CAST: variants seen among roughly 807,000 people sequenced by gnomAD.
The protein encoded by CAST is MIR583 host.
In CAST, 76 loss-of-function variants were observed where a neutral mutation model predicts 119.6. The observed-to-expected ratio is 0.64, with a 90% CI of 0.53 to 0.77. CAST has a LOEUF of 0.77. CAST is among the 30% of genes least tolerant of loss of function. The probability of loss-of-function intolerance (pLI) is 0.00; values close to 1 mark genes in which losing one functional copy is unlikely to be tolerated. For missense variants in CAST, 953 were observed against 946.5 expected (o/e 1.01, Z -0.09); for synonymous variants, 319 against 331.6 (o/e 0.96, Z 0.41).
chr5:96,447,092 C>T, the CAST span, among the ~76,000 whole-genome samples: 1 of 152,162 alleles, frequency 6.6e-6, no homozygotes, highest in African/African-American at 2.4e-5. Context: ...TGCCTGGCTC[C>T]CATCGGAGAA....
chr5:96,549,619 G>C (rs1205616916), intron 1 of CAST, among the ~76,000 whole-genome samples: 1 of 152,178 alleles, frequency 6.6e-6, no homozygotes. Context: ...CAGGGGGTTG[G>C]GGGATTTCCC....
the CAST span, among the ~76,000 whole-genome samples, chr5:96,145,106 T>A: frequency 6.6e-6 from 1 of 152,206 alleles, no homozygotes; most frequent in Non-Finnish European, 1.5e-5. Context: ...TGCTGTAACA[T>A]ATTTGTGAAC....
the CAST span, among the ~76,000 whole-genome samples, chr5:96,277,062 T>G: frequency 6.6e-6 from 1 of 152,230 alleles, no homozygotes; most frequent in Non-Finnish European, 1.5e-5. Flanking sequence ...ATAAATAAAC[T>G]ACCATTTATT....
chr5:96,507,996 T>C, the CAST span, among the ~76,000 whole-genome samples: 1 of 59,844 alleles, frequency 1.7e-5, no homozygotes, highest in Non-Finnish European at 3.9e-5. Flanking sequence ...CTGACATTAT[T>C]ATTATTATTA....
chr5:96,528,008 C>T (rs868868578), upstream of CAST, among the ~76,000 whole-genome samples: 3 of 152,182 alleles, frequency 2.0e-5, no homozygotes, highest in Non-Finnish European at 4.4e-5. Flanking sequence ...GCAACTAATA[C>T]TATTTATTTA....
the CAST span, among the ~76,000 whole-genome samples, chr5:96,068,760 G>A: frequency 6.7e-6 from 1 of 150,342 alleles, no homozygotes; most frequent in Non-Finnish European, 1.5e-5. Flanking sequence ...ATACATATAT[G>A]CATATATTTA....
At chr5:95,968,775 T>C in the CAST span, among the ~76,000 whole-genome samples, 68 of 152,284 alleles carry the variant, frequency 4.5e-4, no homozygotes, top group African/African-American at 1.6e-3. Flanking sequence ...GCCTCCAATA[T>C]TGGGAACGTT....
chr5:96,477,065 AACACAC>A, the CAST span, among the ~76,000 whole-genome samples: 10,718 of 136,550 alleles, frequency 0.078, 452 homozygotes, highest in Non-Finnish European at 0.096. Flanking sequence ...AATGTGCCAA[AACACAC>A]ACACACACAC....
At chr5:96,243,514 T>A in the CAST span, among the ~76,000 whole-genome samples, 1 of 152,178 alleles carries the variant, frequency 6.6e-6, no homozygotes, top group Non-Finnish European at 1.5e-5. Flanking sequence ...ATGGCACCAA[T>A]ATGCAGTCAC....
chr5:96,550,016 C>A (rs374475760), intron 1 of CAST, among the ~76,000 whole-genome samples: 1 of 152,250 alleles, frequency 6.6e-6, no homozygotes, highest in African/African-American at 2.4e-5. Flanking sequence ...CTTCTCCAGA[C>A]TTAAACGTCC....
the CAST span, among the ~76,000 whole-genome samples, chr5:96,283,109 C>G: frequency 1.6e-5 from 2 of 128,740 alleles, no homozygotes; most frequent in Admixed American, 8.8e-5. Context: ...CCACCTGGGC[C>G]ACAGAGCGAG....
intron 3 of CAST, among the ~76,000 whole-genome samples, chr5:96,703,272 A>C (rs759649598): frequency 2.0e-4 from 31 of 152,100 alleles, no homozygotes; most frequent in Non-Finnish European, 4.0e-4. Flanking sequence ...GGAAAGCAGC[A>C]GCTATGTCAG....
chr5:96,661,255 A>AT (rs1483005694), upstream of CAST, among the ~76,000 whole-genome samples: 12 of 91,094 alleles, frequency 1.3e-4, no homozygotes. Context: ...CGTCTCTACC[A>AT]TTAAAAAAAA....
At chr5:96,260,869 A>C in the CAST span, among the ~76,000 whole-genome samples, 1 of 152,232 alleles carries the variant, frequency 6.6e-6, no homozygotes, top group Non-Finnish European at 1.5e-5. Flanking sequence ...AAGTTGACCA[A>C]GTCAGTGTCT....
the CAST span, among the ~76,000 whole-genome samples, chr5:96,217,910 A>G: frequency 6.6e-6 from 1 of 152,170 alleles, no homozygotes; most frequent in Non-Finnish European, 1.5e-5. Flanking sequence ...CAACTGTGAA[A>G]TTCATTAGCT....
chr5:96,696,185 C>T, intron 3 of CAST: 1 of 198,532 alleles, frequency 5.0e-6, no homozygotes, highest in Non-Finnish European at 1.0e-5. Flanking sequence ...TAATATTAAA[C>T]TTTTGAACAT....
the CAST span, among the ~76,000 whole-genome samples, chr5:96,224,085 A>G: frequency 2.6e-5 from 4 of 152,204 alleles, no homozygotes; most frequent in South Asian, 8.3e-4. Context: ...GGATATACAT[A>G]ATGTTACCCA....
the CAST span, among the ~76,000 whole-genome samples, chr5:96,008,971 C>T: frequency 8.9e-4 from 135 of 152,244 alleles, no homozygotes; most frequent in African/African-American, 2.9e-3. Flanking sequence ...TGCCCCACCC[C>T]GCCTCTATCA....
the CAST span, among the ~76,000 whole-genome samples, chr5:96,305,833 T>C: frequency 6.6e-6 from 1 of 152,228 alleles, no homozygotes. Context: ...AGCTATTTGA[T>C]GTGCTGCTAG....
Sources: allele counts gnomAD v4.1 joint callset (sites outside exome capture counted in the v4.1 genomes callset), GRCh38; gene constraint gnomAD v4.1.1; transcripts MANE v1.5; gene names NCBI Gene and HGNC (gene_info 2026-07-23, HGNC 2026-07-21).